Variants in FOXJ3 observed in about 807,000 individuals in gnomAD.
FOXJ3 encodes the protein forkhead box protein J3.
In FOXJ3, 22 loss-of-function variants were observed where a neutral mutation model predicts 76.1. The ratio of observed to expected loss-of-function variants is 0.29; its 90% CI spans 0.21 to 0.41. FOXJ3 has a LOEUF of 0.41. FOXJ3 is among the 10% of genes least tolerant of loss of function. The probability of loss-of-function intolerance (pLI) is 1.00; values close to 1 mark genes in which losing one functional copy is unlikely to be tolerated. For synonymous variants in FOXJ3, 269 were observed against 261.2 expected (o/e 1.03, Z -0.29); for missense variants, 613 against 762.1 (o/e 0.80, Z 2.30).
chr1:42,225,646 A>ATGTT (rs571716387), intron 5 of FOXJ3, among the ~76,000 whole-genome samples: 248 of 152,324 alleles, frequency 1.6e-3, no homozygotes, highest in South Asian at 0.014. Flanking sequence ...AGGCCCTGGT[A>ATGTT]TGTTTATGAA....
chr1:42,237,451 C>CACAT lies in FOXJ3; in HGVS notation c.445-9489_445-9486dup, dbSNP rs1648769895. Among the ~76,000 whole-genome samples the CACAT allele has an allele frequency of 2.8e-5, 4 of 142,680 alleles. 1 individual carries two copies. In the South Asian group the frequency reaches 9.0e-4, roughly 32 times the overall value. 93.6% of individuals were successfully genotyped at this position (142,680 alleles called of 152,430 possible). A position where few individuals can be genotyped will look rare whatever the true frequency, so the allele number is the denominator to read the frequency against. Reference sequence around the variant, plus strand: ...ATACATACATACATATATATATATACACATACATACATATACATATATATG... The same window carrying CACAT: ...ATACATACATACATATATATATATACACATACATACATACATATACATATATATG... On this transcript the variant is annotated intron_variant, in intron 4 of 12. Coordinates refer to ENST00000361346, the MANE Select transcript of FOXJ3 (RefSeq NM_014947.5).
At chr1:42,285,578 CG>C (rs1653001001) in intron 2 of FOXJ3, among the ~76,000 whole-genome samples, 1 of 152,096 alleles carries the variant, frequency 6.6e-6, no homozygotes, top group Non-Finnish European at 1.5e-5. Flanking sequence ...GGCTTATCAA[CG>C]AAGAGAGCTG....
At chr1:42,324,114 T>TGTATATATACA (rs1655631798) in intron 1 of FOXJ3, among the ~76,000 whole-genome samples, 1 of 11,720 alleles carries the variant, frequency 8.5e-5, no homozygotes, top group Admixed American at 1.4e-3. Context: ...GTATATACAC[T>TGTATATATACA]GTATATACAC....
intron 2 of FOXJ3, among the ~76,000 whole-genome samples, chr1:42,303,847 TC>T (rs1281320727): frequency 6.6e-6 from 1 of 152,130 alleles, no homozygotes; most frequent in Non-Finnish European, 1.5e-5. Context: ...CAGAAAGTGT[TC>T]CATTTCAACA....
chr1:42,281,829 C>G (rs2124683501), intron 2 of FOXJ3, among the ~76,000 whole-genome samples: 1 of 152,248 alleles, frequency 6.6e-6, no homozygotes, highest in East Asian at 1.9e-4. Context: ...GAGGCCGAGG[C>G]AGGCGGATCA....
upstream of FOXJ3, chr1:42,335,668 G>T (rs1172257195): frequency 6.6e-6 from 1 of 151,388 alleles, no homozygotes; most frequent in Non-Finnish European, 1.5e-5. Flanking sequence ...GAAAGCGGAC[G>T]CCTTTTCCGA....
chr1:42,302,349 C>T (rs1654203972), intron 2 of FOXJ3, among the ~76,000 whole-genome samples: 1 of 152,246 alleles, frequency 6.6e-6, no homozygotes, highest in Non-Finnish European at 1.5e-5. Flanking sequence ...CAGAGAAGCT[C>T]TCTGTTGCCT....
intron 9 of FOXJ3, among the ~76,000 whole-genome samples, chr1:42,190,658 C>A (rs1646522784): frequency 6.6e-6 from 1 of 152,110 alleles, no homozygotes; most frequent in African/African-American, 2.4e-5. Context: ...CTCAGGTAGT[C>A]AAAAGGTCAG....
chr1:42,267,804 T>TA (rs967442847), intron 3 of FOXJ3, among the ~76,000 whole-genome samples: 2 of 151,918 alleles, frequency 1.3e-5, no homozygotes, highest in African/African-American at 2.4e-5. Context: ...ACGATAGAAA[T>TA]AAAAAACATT....
chr1:42,293,459 A>G (rs907628947), intron 2 of FOXJ3, among the ~76,000 whole-genome samples: 52 of 152,200 alleles, frequency 3.4e-4, no homozygotes, highest in African/African-American at 1.3e-3. Context: ...TTAAAACAAC[A>G]AGATACTATT....
intron 1 of FOXJ3, among the ~76,000 whole-genome samples, chr1:42,333,749 A>G (rs1656296487): frequency 6.6e-6 from 1 of 152,192 alleles, no homozygotes; most frequent in Non-Finnish European, 1.5e-5. Context: ...CCATGTTTCA[A>G]ACCAGTTTCA....
chr1:42,254,907 A>G (rs1372925376), intron 4 of FOXJ3, among the ~76,000 whole-genome samples: 2 of 151,714 alleles, frequency 1.3e-5, no homozygotes, highest in Non-Finnish European at 2.9e-5. Context: ...TGGCACATGT[A>G]CACATATGTA....
intron 1 of FOXJ3, among the ~76,000 whole-genome samples, chr1:42,332,894 T>C (rs1656244122): frequency 1.3e-5 from 2 of 152,206 alleles, no homozygotes; most frequent in Admixed American, 1.3e-4. Context: ...TGTACTGTTA[T>C]CCCAAGGAGA....
intron 5 of FOXJ3, among the ~76,000 whole-genome samples, chr1:42,227,165 T>A (rs1017675945): frequency 6.6e-6 from 1 of 151,962 alleles, no homozygotes. Context: ...AGAACAAAAA[T>A]GGAAGAGAGT....
chr1:42,291,083 T>TAGATAGATAGATAGAC (rs1553167260), intron 2 of FOXJ3, among the ~76,000 whole-genome samples: 7 of 126,388 alleles, frequency 5.5e-5, no homozygotes, highest in African/African-American at 1.2e-4. Context: ...GATAGATAGA[T>TAGATAGATAGATAGAC]AGACAGACAG....
intron 5 of FOXJ3, among the ~76,000 whole-genome samples, chr1:42,209,126 C>T (rs1291155790): frequency 6.6e-6 from 1 of 152,164 alleles, no homozygotes; most frequent in African/African-American, 2.4e-5. Flanking sequence ...TGCTGACATG[C>T]TCTTATATAG....
At chr1:42,290,101 G>GCATC (rs1653323350) in intron 2 of FOXJ3, among the ~76,000 whole-genome samples, 7 of 152,056 alleles carry the variant, frequency 4.6e-5, no homozygotes, top group Non-Finnish European at 8.8e-5. Context: ...TATGCTGGAG[G>GCATC]AGAAGAAAAA....
At chr1:42,230,919 A>C (rs148864100) in intron 4 of FOXJ3, among the ~76,000 whole-genome samples, 1 of 152,188 alleles carries the variant, frequency 6.6e-6, no homozygotes. Context: ...AATATTACTC[A>C]CAACAGCCAA....
chr1:42,291,031 T>TAGAC (rs1398268948), intron 2 of FOXJ3, among the ~76,000 whole-genome samples: 2 of 66,052 alleles, frequency 3.0e-5, no homozygotes, highest in African/African-American at 6.4e-5. Context: ...CCCATATAGA[T>TAGAC]AGATAGATAG....
Sources: allele counts gnomAD v4.1 joint callset (sites outside exome capture counted in the v4.1 genomes callset), GRCh38; gene constraint gnomAD v4.1.1; transcripts MANE v1.5; gene names NCBI Gene and HGNC (gene_info 2026-07-23, HGNC 2026-07-21).